Variants in CCDC191 observed in about 807,000 individuals in gnomAD.
CCDC191 encodes coiled-coil domain-containing protein 191.
CCDC191 carries 99 observed loss-of-function variants against 114.0 expected under a neutral mutation model. The observed-to-expected ratio is 0.87, with a 90% CI of 0.74 to 1.03. The LOEUF is 1.03. CCDC191 is among the 50% of genes least tolerant of loss of function. The pLI, the probability that CCDC191 is intolerant of heterozygous loss-of-function variation, is 0.00. For synonymous variants in CCDC191, 351 were observed against 376.0 expected (o/e 0.93, Z 0.77); for missense variants, 973 against 1,087.0 (o/e 0.90, Z 1.47).
intron 11 of CCDC191, 71 bp downstream of exon 11, chr3:114,004,566 G>C: frequency 6.4e-7 from 1 of 1,556,486 alleles, no homozygotes; most frequent in Non-Finnish European, 8.7e-7. Flanking sequence ...CCAGAATTCA[G>C]TCCCAGTGTA....
intron 15 of CCDC191, 113 bp from the exon 16 acceptor site, chr3:113,978,444 G>A (rs2075014490): frequency 3.8e-6 from 4 of 1,064,398 alleles, no homozygotes; most frequent in Non-Finnish European, 5.4e-6. Context: ...AATGACACTA[G>A]AGACATACAA....
At chr3:114,000,855 T>C (rs905913624) in intron 13 of CCDC191, among the ~76,000 whole-genome samples, 9 of 151,762 alleles carry the variant, frequency 5.9e-5, no homozygotes, top group African/African-American at 2.2e-4. Context: ...GGTCTTAACA[T>C]CTTGCCCAGG....
chr3:113,975,780 A>G (rs1178399764), intron 16 of CCDC191, among the ~76,000 whole-genome samples: 1 of 152,198 alleles, frequency 6.6e-6, no homozygotes, highest in Non-Finnish European at 1.5e-5. Flanking sequence ...AAGAAACATT[A>G]TAGGAGGCCA....
At chr3:114,026,239 A>T (rs2076319150) in intron 7 of CCDC191, among the ~76,000 whole-genome samples, 1 of 152,226 alleles carries the variant, frequency 6.6e-6, no homozygotes, top group Non-Finnish European at 1.5e-5. Flanking sequence ...TGAGAATGGG[A>T]CATCTGGGTT....
At chr3:114,011,514 A>G (rs1176913283) in intron 8 of CCDC191, among the ~76,000 whole-genome samples, 1 of 152,216 alleles carries the variant, frequency 6.6e-6, no homozygotes, top group African/African-American at 2.4e-5. Context: ...AATCAAAGTA[A>G]CACTGAGGGT....
chr3:113,985,740 A>G (rs2075330802), intron 13 of CCDC191, among the ~76,000 whole-genome samples: 1 of 152,362 alleles, frequency 6.6e-6, no homozygotes, highest in South Asian at 2.1e-4. Flanking sequence ...CAAAGTCACT[A>G]GAAGACATTA....
At chr3:114,040,398 CT>C (rs1199854113) in intron 4 of CCDC191, among the ~76,000 whole-genome samples, 2 of 152,044 alleles carry the variant, frequency 1.3e-5, no homozygotes, top group Non-Finnish European at 2.9e-5. Context: ...TCAATTTTTG[CT>C]TCATCTACCT....
At chr3:114,050,612 C>T (rs1163890184) in intron 2 of CCDC191, among the ~76,000 whole-genome samples, 1 of 152,066 alleles carries the variant, frequency 6.6e-6, no homozygotes, top group African/African-American at 2.4e-5. Flanking sequence ...GCTGAGGGAT[C>T]AACGTGAGTC....
chr3:113,979,332 A>G (rs1451038011), intron 14 of CCDC191, among the ~76,000 whole-genome samples: 1 of 152,166 alleles, frequency 6.6e-6, no homozygotes, highest in Non-Finnish European at 1.5e-5. Flanking sequence ...AACATTCTCA[A>G]TTTGCTCTCC....
chr3:113,977,226 G>A (rs1941433401), intron 16 of CCDC191, among the ~76,000 whole-genome samples: 1 of 152,124 alleles, frequency 6.6e-6, no homozygotes, highest in South Asian at 2.1e-4. Context: ...GAACCCAGGA[G>A]GCAGAGGTTG....
intron 7 of CCDC191, among the ~76,000 whole-genome samples, chr3:114,020,808 T>G (rs943535307): frequency 6.6e-6 from 1 of 152,144 alleles, no homozygotes; most frequent in African/African-American, 2.4e-5. Context: ...TTATTTCAAA[T>G]GATGAAATAG....
intron 6 of CCDC191, among the ~76,000 whole-genome samples, chr3:114,034,298 C>G (rs2076449431): frequency 6.6e-6 from 1 of 151,940 alleles, no homozygotes. Flanking sequence ...AATGTAATAC[C>G]TATTAAAAGT....
At chr3:114,051,120 G>A (rs2076693562) in intron 2 of CCDC191, among the ~76,000 whole-genome samples, 1 of 152,102 alleles carries the variant, frequency 6.6e-6, no homozygotes, top group Non-Finnish European at 1.5e-5. Flanking sequence ...CCCGAACCAT[G>A]TCACAAAGCA....
Position 113,965,242 on chromosome 3 carries a change from TG to T in CCDC191, c.2723del (p.Pro908GlnfsTer21). On this transcript the variant is annotated frameshift_variant, in exon 17 of 17. Coordinates refer to ENST00000295878, the MANE Select transcript of CCDC191 (RefSeq NM_020817.2). LOFTEE classifies it low-confidence loss of function (END_TRUNC). ...QLRRKVVEIL[P>X]DFQVPGRYHE... ...GGTACCTTCCAGGTACCTGGAAGTC[TG>T]GAAGAATTTCAACTACCTTCCTACG... The T allele has an allele frequency of 5.0e-6, 8 of 1,612,126 alleles. No homozygotes were observed. Among genetic ancestry groups the T allele is most frequent in the Non-Finnish European group, 6.8e-6 (8 of 1,178,932 alleles).
chr3:114,036,924 C>A, intron 4 of CCDC191, 138 bp from the exon 5 acceptor site: 1 of 483,120 alleles, frequency 2.1e-6, no homozygotes, highest in Non-Finnish European at 3.4e-6. Context: ...CTGATAATGG[C>A]AACTGATTGA....
rs57857818 is a variant in CCDC191 at position 114,000,643 on chromosome 3, ATCTC to A, written c.2163+948_2163+951del. On this transcript the variant is annotated intron_variant, in intron 13 of 16. Coordinates refer to ENST00000295878, the MANE Select transcript of CCDC191 (RefSeq NM_020817.2). ...AAACATACCTTATATGACTTTCTTG[ATCTC>A]TCTCTCTCTCTTTTTTTTTCTTAGA... 4.7e-3 allele frequency among the ~76,000 whole-genome samples: 711 copies of A among 150,804 alleles called. 4 individuals carry two copies. The highest frequency in any genetic ancestry group is 0.016 in the African/African-American group (646 of 41,012).
rs747977630 is a variant in CCDC191 at position 113,964,888 on chromosome 3, A to AT, written c.*266dup. ...ACACTTGTCCTTTTTAAAGTTTACTATGCTAAAAATATATAGGATATATTT... is the reference window on the plus strand; with the variant it reads ...ACACTTGTCCTTTTTAAAGTTTACTATTGCTAAAAATATATAGGATATATTT... On this transcript the variant is annotated 3_prime_UTR_variant, in exon 17 of 17. Coordinates refer to ENST00000295878, the MANE Select transcript of CCDC191 (RefSeq NM_020817.2). 32 of 251,138 alleles carry AT rather than the reference A, an allele frequency of 1.3e-4. No individual in the cohort carries two copies. The highest frequency in any genetic ancestry group is 6.0e-4 in the Admixed American group (11 of 18,334). 15.6% of individuals were successfully genotyped at this position (251,138 alleles called of 1,614,324 possible). A position where few individuals can be genotyped will look rare whatever the true frequency, so the allele number is the denominator to read the frequency against.
At chr3:114,007,251 G>T (rs2075986677) in intron 9 of CCDC191, among the ~76,000 whole-genome samples, 1 of 152,160 alleles carries the variant, frequency 6.6e-6, no homozygotes. Flanking sequence ...CTAAGTTTTT[G>T]ATTCTGCCAT....
intron 7 of CCDC191, among the ~76,000 whole-genome samples, chr3:114,024,878 C>T (rs1292436337): frequency 1.3e-5 from 2 of 152,010 alleles, no homozygotes; most frequent in African/African-American, 4.8e-5. Flanking sequence ...TTTGTCATGG[C>T]AAAATAAATC....
Sources: gnomAD v4.1 joint callset for allele counts (sites outside exome capture counted in the v4.1 genomes callset) on GRCh38, gnomAD v4.1.1 for gene constraint, MANE v1.5 for transcripts, NCBI Gene and HGNC (gene_info 2026-07-23, HGNC 2026-07-21) for gene names.